TSHZ2: variants seen among roughly 807,000 people sequenced by gnomAD.
The protein encoded by TSHZ2 is teashirt zinc finger homeobox 2, also known as teashirt homolog 2.
Under a neutral mutation model 74.4 loss-of-function variants are expected in TSHZ2, and 21 were observed. The ratio of observed to expected loss-of-function variants is 0.28; its 90% CI spans 0.20 to 0.41. The LOEUF (loss-of-function observed/expected upper bound fraction) is 0.41, where lower values mean the gene tolerates loss of function less well. Among genes scored for constraint, TSHZ2 ranks in the 10% least tolerant of loss-of-function variants. TSHZ2 has a pLI of 1.00. For missense variants in TSHZ2, 1,244 were observed against 1,293.5 expected (o/e 0.96, Z 0.59); for synonymous variants, 540 against 515.3 (o/e 1.05, Z -0.65).
chr20:53,281,323 T>C (rs1009124871), intron 2 of TSHZ2, among the ~76,000 whole-genome samples: 1 of 152,214 alleles, frequency 6.6e-6, no homozygotes, highest in Non-Finnish European at 1.5e-5. Context: ...GAACAGCACA[T>C]GCAAAGTTCT....
chr20:53,448,239 T>A (rs146619986), intron 2 of TSHZ2, among the ~76,000 whole-genome samples: 37 of 152,220 alleles, frequency 2.4e-4, no homozygotes, highest in African/African-American at 8.9e-4. Context: ...TCTCCCTGAT[T>A]GAGTAAAATT....
intron 1 of TSHZ2, 140 bp downstream of exon 1, chr20:52,973,473 C>T: frequency 9.2e-7 from 1 of 1,089,992 alleles, no homozygotes; most frequent in South Asian, 1.6e-5. Flanking sequence ...ATAACCCCGT[C>T]CTCTCTCGCC....
chr20:53,162,502 A>T (rs148188030), intron 1 of TSHZ2, among the ~76,000 whole-genome samples: 1 of 152,030 alleles, frequency 6.6e-6, no homozygotes, highest in Admixed American at 6.5e-5. Context: ...GAGATCAGCC[A>T]CTAGGGGATC....
At chr20:53,031,490 A>C (rs1170732040) in intron 1 of TSHZ2, among the ~76,000 whole-genome samples, 1 of 152,224 alleles carries the variant, frequency 6.6e-6, no homozygotes, top group Non-Finnish European at 1.5e-5. Flanking sequence ...AGTGGAGTGC[A>C]GCAAGTGAAC....
At position 53,489,311 on chromosome 20, in the gene TSHZ2, G is replaced by T. The variant is rs747113036; in HGVS notation, c.*2176G>T. ...ATTCAACCAGAAATGAATGGAGCTC[G>T]ACTGGAAAGGAACAGTCTTCAGATG... On this transcript the variant is annotated 3_prime_UTR_variant, in exon 3 of 3. Transcript: ENST00000371497. 1 of 400,846 alleles carries T rather than the reference G, an allele frequency of 2.5e-6. No individual in the cohort carries two copies. Among genetic ancestry groups the T allele is most frequent in the African/African-American group, 2.1e-5 (1 of 48,474 alleles). The allele number at this position is 400,846 out of a possible 1,614,324, so 24.8% of individuals were successfully genotyped here.
chr20:53,056,947 A>C (rs1467125676), intron 1 of TSHZ2, among the ~76,000 whole-genome samples: 1 of 152,034 alleles, frequency 6.6e-6, no homozygotes, highest in Non-Finnish European at 1.5e-5. Context: ...TCTCATCCTG[A>C]ATTGTAGCTC....
At chr20:53,438,506 G>C (rs1984183777) in intron 2 of TSHZ2, among the ~76,000 whole-genome samples, 1 of 152,160 alleles carries the variant, frequency 6.6e-6, no homozygotes, top group Non-Finnish European at 1.5e-5. Context: ...GGACTACCTA[G>C]GGTCGTGTGC....
chr20:53,019,249 T>G (rs201886492), intron 1 of TSHZ2, among the ~76,000 whole-genome samples: 3 of 31,758 alleles, frequency 9.4e-5, no homozygotes, highest in Admixed American at 3.5e-4. Flanking sequence ...GTTGCCTGGG[T>G]TTTTTTTTTT....
Position 53,254,816 on chromosome 20 carries a change from G to A in TSHZ2, c.1358G>A (p.Cys453Tyr), listed in dbSNP as rs200023336. The part of the protein sequence containing the change: ...PKPSSNSASD[C>Y]TASTTELKKE... ...CCATCCAGTAACTCAGCATCAGATTGTACAGCCTCTACAACTGAGTTAAAG... is the reference window on the plus strand; with the variant it reads ...CCATCCAGTAACTCAGCATCAGATTATACAGCCTCTACAACTGAGTTAAAG... Residue 453 changes from cysteine (C) to tyrosine (Y), a missense_variant, in exon 2 of 3, where the codon TGT becomes TAT. Physicochemically the swap from Cys to Tyr is radical, Grantham distance 194. This residue lies in a region of TSHZ2 where 562 missense variants were observed against 544.0 expected (regional missense o/e 1.03). Transcript: ENST00000371497. 3.0e-4 allele frequency: 486 copies of A among 1,613,912 alleles called. 7 individuals are homozygous for A. The South Asian group carries it at 4.6e-3, about 15-fold the overall frequency.
intron 2 of TSHZ2, among the ~76,000 whole-genome samples, chr20:53,299,047 T>C (rs1330338807): frequency 6.6e-6 from 1 of 152,156 alleles, no homozygotes; most frequent in Non-Finnish European, 1.5e-5. Flanking sequence ...AGTAGTGACA[T>C]AGTCCCAGGG....
In TSHZ2 at chr20:53,342,958, T is replaced by G. The variant is rs542590922; in HGVS notation, c.*8+86387T>G. ...TTCTTTTCTTTTCTTTTCTTTTCTT[T>G]TTTTTTTTTTTTTTTTTTTTTTTTT... On this transcript the variant is annotated intron_variant, in intron 2 of 2. Coordinates refer to ENST00000371497, the MANE Select transcript of TSHZ2 (RefSeq NM_173485.6). 2.2e-4 allele frequency among the ~76,000 whole-genome samples: 23 copies of G among 102,632 alleles called. 1 individual carries two copies. The highest frequency in any genetic ancestry group is 2.0e-3 in the Admixed American group (22 of 11,050). The allele number at this position is 102,632 out of a possible 152,430, so 67.3% of individuals were successfully genotyped here.
chr20:53,116,754 A>T (rs768954533), intron 1 of TSHZ2, among the ~76,000 whole-genome samples: 7 of 152,108 alleles, frequency 4.6e-5, no homozygotes, highest in Non-Finnish European at 8.8e-5. Context: ...TTTGTTTAGT[A>T]TATTGTTTTG....
rs1986370750 is a variant in TSHZ2, at chr20:53,488,965, AG to A, written c.*1833del. ...AAAAAATATGGCGCTTCGGGGAAGGAGGGAAAAAGTAAATGAAGTTCCAGGA... is the reference window on the plus strand; with the variant it reads ...AAAAAATATGGCGCTTCGGGGAAGGAGGAAAAAGTAAATGAAGTTCCAGGA... On this transcript the variant is annotated 3_prime_UTR_variant, in exon 3 of 3. Transcript: ENST00000371497. 2.2e-6 allele frequency: 1 copy of A among 455,770 alleles called. No homozygotes were observed. Among genetic ancestry groups the A allele is most frequent in the South Asian group, 1.5e-5 (1 of 64,566 alleles). 28.2% of individuals were successfully genotyped at this position (455,770 alleles called of 1,614,324 possible). A position where few individuals can be genotyped will look rare whatever the true frequency, so the allele number is the denominator to read the frequency against.
chr20:53,287,716 A>G (rs1237367669), intron 2 of TSHZ2, among the ~76,000 whole-genome samples: 1 of 152,222 alleles, frequency 6.6e-6, no homozygotes, highest in East Asian at 1.9e-4. Flanking sequence ...TCCTTCTAAA[A>G]TTGTTTTTCT....
chr20:53,009,055 A>G (rs1982756302), intron 1 of TSHZ2, among the ~76,000 whole-genome samples: 2 of 146,970 alleles, frequency 1.4e-5, no homozygotes, highest in South Asian at 4.3e-4. Flanking sequence ...CTGGCTGGGC[A>G]TGGTGGCTCA....
At chr20:53,237,062 C>G (rs1989958152) in intron 1 of TSHZ2, among the ~76,000 whole-genome samples, 2 of 152,160 alleles carry the variant, frequency 1.3e-5, no homozygotes. Context: ...TCCTCATCTT[C>G]AAAAATGAAA....
chr20:53,289,960 T>A (rs914339672), intron 2 of TSHZ2, among the ~76,000 whole-genome samples: 3 of 152,222 alleles, frequency 2.0e-5, no homozygotes, highest in Admixed American at 1.3e-4. Context: ...TCATTTCTGT[T>A]CCCAGAAATT....
intron 2 of TSHZ2, among the ~76,000 whole-genome samples, chr20:53,350,293 A>G (rs1253126375): frequency 1.3e-5 from 2 of 152,240 alleles, no homozygotes; most frequent in Non-Finnish European, 2.9e-5. Flanking sequence ...GAGGATATCA[A>G]TTCCTTTCTA....
chr20:53,305,159 C>T (rs188972429), intron 2 of TSHZ2, among the ~76,000 whole-genome samples: 1 of 151,796 alleles, frequency 6.6e-6, no homozygotes, highest in Non-Finnish European at 1.5e-5. Context: ...AGGATGATCT[C>T]GGTCTCCTGA....
Sources: gnomAD v4.1 joint callset for allele counts (sites outside exome capture counted in the v4.1 genomes callset) on GRCh38, gnomAD v4.1.1 for gene constraint, gnomAD v4.1.1 regional missense constraint, MANE v1.5 for transcripts, NCBI Gene and HGNC (gene_info 2026-07-23, HGNC 2026-07-21) for gene names.